KCNIP4: variants seen among roughly 807,000 people sequenced by gnomAD.
KCNIP4 encodes potassium voltage-gated channel interacting protein 4.
KCNIP4 carries 12 observed loss-of-function variants against 34.0 expected under a neutral mutation model. The observed-to-expected ratio is 0.35, with a 90% CI of 0.23 to 0.57. The LOEUF (loss-of-function observed/expected upper bound fraction) is 0.57. Among genes scored for constraint, KCNIP4 ranks in the 20% least tolerant of loss-of-function variants. The pLI, the probability that KCNIP4 is intolerant of heterozygous loss-of-function variation, is 0.83. For missense variants in KCNIP4, 238 were observed against 311.7 expected (o/e 0.76, Z 1.78); for synonymous variants, 124 against 102.2 (o/e 1.21, Z -1.29).
At chr4:21,582,529 C>T (rs1156542695) in intron 1 of KCNIP4, among the ~76,000 whole-genome samples, 1 of 151,832 alleles carries the variant, frequency 6.6e-6, no homozygotes, top group East Asian at 1.9e-4. Context: ...CCTTCCTATT[C>T]TATCTTCAGA....
At chr4:21,141,386 A>G (rs1026921799) in intron 1 of KCNIP4, among the ~76,000 whole-genome samples, 5 of 152,216 alleles carry the variant, frequency 3.3e-5, no homozygotes, top group African/African-American at 1.2e-4. Context: ...CTGTCTTTTC[A>G]TAACAAGTAC....
At chr4:20,973,325 C>A (rs75144624) in intron 1 of KCNIP4, among the ~76,000 whole-genome samples, 6,658 of 152,310 alleles carry the variant, frequency 0.044, 205 homozygotes, top group Middle Eastern at 0.1. Context: ...CCTCATGAGC[C>A]AAACTCTGCT....
At chr4:20,915,601 C>A (rs1577360366) in intron 1 of KCNIP4, among the ~76,000 whole-genome samples, 1 of 152,112 alleles carries the variant, frequency 6.6e-6, no homozygotes, top group East Asian at 1.9e-4. Flanking sequence ...CTAGGACATA[C>A]TGAATTTTCT....
intron 1 of KCNIP4, among the ~76,000 whole-genome samples, chr4:21,468,472 G>A (rs1430143195): frequency 6.6e-6 from 1 of 152,128 alleles, no homozygotes; most frequent in Non-Finnish European, 1.5e-5. Flanking sequence ...TGCTTTCATC[G>A]CTTGCATTAC....
Position 21,157,450 on chromosome 4 carries a change from G to A in KCNIP4, c.62-274741C>T, listed in dbSNP as rs1265490495. Among the ~76,000 whole-genome samples the A allele has an allele frequency of 2.6e-5, 4 of 151,232 alleles. No homozygotes were observed. In the South Asian group the frequency reaches 6.2e-4, roughly 24 times the overall value. ...AGGGACAAGATTTACATTCCCATCC[G>A]AAACAACAACAACCAAACAGGCAAA... On this transcript the variant is annotated intron_variant, in intron 1 of 8. Coordinates refer to ENST00000382152, the MANE Select transcript of KCNIP4 (RefSeq NM_025221.6).
chr4:20,816,322 C>T (rs1422964646), intron 3 of KCNIP4, among the ~76,000 whole-genome samples: 1 of 151,178 alleles, frequency 6.6e-6, no homozygotes, highest in Non-Finnish European at 1.5e-5. Context: ...ATTAAAATGT[C>T]ACATGTTCCT....
chr4:21,171,792 G>A (rs1207368878), intron 1 of KCNIP4, among the ~76,000 whole-genome samples: 1 of 152,132 alleles, frequency 6.6e-6, no homozygotes, highest in East Asian at 1.9e-4. Context: ...TCTTAGTAGA[G>A]CACATGGACT....
At position 21,810,983 on chromosome 4, in the gene KCNIP4, T is replaced by A. The variant is rs531892047; in HGVS notation, c.61+137588A>T. Among the ~76,000 whole-genome samples the A allele has an allele frequency of 1.2e-4, 19 of 152,104 alleles. No homozygotes were observed. In the South Asian group the frequency reaches 3.7e-3, roughly 30 times the overall value. On this transcript the variant is annotated intron_variant, in intron 1 of 8. Transcript: ENST00000382152. ...ACCAACAATTAAGTTAACATGAAAA[T>A]TTTTTTTAGCGCCAACATATTCCAT...
chr4:20,765,147 A>C (rs1438078456), intron 3 of KCNIP4, among the ~76,000 whole-genome samples: 2 of 152,308 alleles, frequency 1.3e-5, no homozygotes, highest in Middle Eastern at 3.4e-3. Flanking sequence ...GGCACTGGAG[A>C]TACAGGAATG....
At chr4:21,462,095 T>A (rs1340361651) in intron 1 of KCNIP4, among the ~76,000 whole-genome samples, 1 of 152,054 alleles carries the variant, frequency 6.6e-6, no homozygotes, top group Non-Finnish European at 1.5e-5. Flanking sequence ...AACAATACAT[T>A]CTTATTAACT....
At chr4:20,779,569 C>A (rs1756668069) in intron 3 of KCNIP4, among the ~76,000 whole-genome samples, 2 of 56,618 alleles carry the variant, frequency 3.5e-5, no homozygotes. Context: ...GTCCCCCCTG[C>A]CCCACAACCC....
At chr4:21,506,920 T>C (rs1251352228) in intron 1 of KCNIP4, among the ~76,000 whole-genome samples, 1 of 151,878 alleles carries the variant, frequency 6.6e-6, no homozygotes, top group African/African-American at 2.4e-5. Flanking sequence ...GCCTCCCAAG[T>C]AGATGGGACT....
intron 1 of KCNIP4, among the ~76,000 whole-genome samples, chr4:21,266,524 T>C (rs1317239356): frequency 1.3e-5 from 2 of 152,194 alleles, no homozygotes; most frequent in Non-Finnish European, 2.9e-5. Flanking sequence ...TTAGCCAGAA[T>C]GGAATGTGAC....
intron 1 of KCNIP4, among the ~76,000 whole-genome samples, chr4:21,026,960 T>C (rs890230711): frequency 6.6e-6 from 1 of 152,196 alleles, no homozygotes; most frequent in African/African-American, 2.4e-5. Flanking sequence ...TTGGGGGTTT[T>C]GTCTCTATTA....
intron 1 of KCNIP4, among the ~76,000 whole-genome samples, chr4:21,098,223 A>C (rs925895848): frequency 3.3e-5 from 5 of 152,246 alleles, no homozygotes; most frequent in Non-Finnish European, 7.3e-5. Flanking sequence ...TATAAGAAGC[A>C]GCAAATGCTG....
chr4:21,739,618 C>T (rs1272839016), intron 1 of KCNIP4, among the ~76,000 whole-genome samples: 2 of 151,910 alleles, frequency 1.3e-5, no homozygotes, highest in Non-Finnish European at 2.9e-5. Context: ...CATAAAATAA[C>T]CATTTACTTT....
At chr4:21,792,000 CAAAAAAAAAAAAAAA>C (rs71193407) in intron 1 of KCNIP4, among the ~76,000 whole-genome samples, 1 of 59,748 alleles carries the variant, frequency 1.7e-5, no homozygotes, top group African/African-American at 7.6e-5. Context: ...GACTCCGTCT[CAAAAAAAAAAAAAAA>C]AAAAAAAAAA....
chr4:21,903,421 T>C (rs887353743), intron 1 of KCNIP4, among the ~76,000 whole-genome samples: 1 of 152,160 alleles, frequency 6.6e-6, no homozygotes, highest in Non-Finnish European at 1.5e-5. Flanking sequence ...CTTTAATTGC[T>C]ACACTAATTC....
At chr4:21,361,674 G>GTT (rs34497644) in intron 1 of KCNIP4, among the ~76,000 whole-genome samples, 6 of 143,448 alleles carry the variant, frequency 4.2e-5, no homozygotes, top group African/African-American at 1.5e-4. Flanking sequence ...CTCTCAGATT[G>GTT]TTTTTTTTTT....
Sources: gnomAD v4.1 joint callset for allele counts (sites outside exome capture counted in the v4.1 genomes callset) on GRCh38, gnomAD v4.1.1 for gene constraint, MANE v1.5 for transcripts, NCBI Gene and HGNC (gene_info 2026-07-23, HGNC 2026-07-21) for gene names.